TMEM132E: variants seen among roughly 807,000 people sequenced by gnomAD.
TMEM132E encodes transmembrane protein 132E.
Under a neutral mutation model 78.5 loss-of-function variants are expected in TMEM132E, and 49 were observed. The ratio of observed to expected loss-of-function variants is 0.62; its 90% confidence interval spans 0.50 to 0.79. The LOEUF (loss-of-function observed/expected upper bound fraction) is 0.79. TMEM132E is among the 30% of genes least tolerant of loss of function. The probability of loss-of-function intolerance (pLI) is 0.00; values close to 1 mark genes in which losing one functional copy is unlikely to be tolerated. For missense variants in TMEM132E, 1,403 were observed against 1,470.9 expected (o/e 0.95, Z 0.75); for synonymous variants, 715 against 670.6 (o/e 1.07, Z -1.02).
At chr17:34,586,730 G>A (rs1297711960) in intron 1 of TMEM132E, among the ~76,000 whole-genome samples, 1 of 151,942 alleles carries the variant, frequency 6.6e-6, no homozygotes, top group Non-Finnish European at 1.5e-5. Flanking sequence ...AAGATGAAGT[G>A]GAAAATGGAA....
chr17:34,592,432 C>A lies in TMEM132E; in HGVS notation c.67+11289C>A, dbSNP rs572867115. Among the ~76,000 whole-genome samples, 15 of 152,328 alleles carry A rather than the reference C, an allele frequency of 9.8e-5. No individual in the cohort carries two copies. The East Asian group carries it at 2.9e-3, about 29-fold the overall frequency. ...CTACACACTGCCAGGACAGCACTGC[C>A]ATTGCCAGATAGCAGGTCTAGGGTT... is the stretch of plus-strand genomic sequence containing the variant. On this transcript the variant is annotated intron_variant, in intron 1 of 8. Transcript: ENST00000631683.
At chr17:34,635,753 T>A (rs1907497720) in intron 7 of TMEM132E, 1 of 375,628 alleles carries the variant, frequency 2.7e-6, no homozygotes, top group South Asian at 1.4e-4. Flanking sequence ...GGGGTTGTTG[T>A]TTTCCTTAGA....
chr17:34,581,159 CGGACTGGGGGTGA>C lies in TMEM132E; in HGVS notation c.67+20_67+32del, dbSNP rs1905462849. The C allele has an allele frequency of 6.6e-7, 1 of 1,504,718 alleles. No homozygotes were observed. Among genetic ancestry groups the C allele is most frequent in the East Asian group, 2.7e-5 (1 of 36,644 alleles). The allele number at this position is 1,504,718 out of a possible 1,614,324, so 93.2% of individuals were successfully genotyped here. On this transcript the variant is annotated intron_variant, in intron 1 of 8. Coordinates refer to ENST00000631683, the MANE Select transcript of TMEM132E (RefSeq NM_001304438.2). Reference sequence around the variant, plus strand: ...CTCGCCCACGGTAAGTGTCGCGGCGCGGACTGGGGGTGAGGATGCGGCAGGCGCCACTGGAGGG... The same window carrying C: ...CTCGCCCACGGTAAGTGTCGCGGCGCGGATGCGGCAGGCGCCACTGGAGGG...
intron 1 of TMEM132E, among the ~76,000 whole-genome samples, chr17:34,581,909 C>T (rs1354293973): frequency 6.6e-6 from 1 of 151,836 alleles, no homozygotes; most frequent in Non-Finnish European, 1.5e-5. Flanking sequence ...GGTGGGACAG[C>T]GGGCATACGG....
intron 1 of TMEM132E, among the ~76,000 whole-genome samples, chr17:34,582,717 G>C (rs1006702635): frequency 6.6e-6 from 1 of 152,098 alleles, no homozygotes; most frequent in African/African-American, 2.4e-5. Flanking sequence ...GCCTGTCTGC[G>C]CACTGGAGCT....
At chr17:34,619,410 T>C (rs8074684) in intron 1 of TMEM132E, among the ~76,000 whole-genome samples, 150,862 of 151,748 alleles carry the variant, frequency 0.99, 74,993 homozygotes, top group Middle Eastern at 1. Context: ...GCTTCATAAA[T>C]ATACAGATAC....
intron 1 of TMEM132E, among the ~76,000 whole-genome samples, chr17:34,582,355 G>A (rs1021123530): frequency 6.6e-6 from 1 of 152,108 alleles, no homozygotes; most frequent in African/African-American, 2.4e-5. Context: ...TCTCTAACCA[G>A]CGGCCTCTTT....
At chr17:34,631,549 C>T (rs1409431770) in intron 5 of TMEM132E, among the ~76,000 whole-genome samples, 1 of 152,236 alleles carries the variant, frequency 6.6e-6, no homozygotes, top group African/African-American at 2.4e-5. Context: ...TTGCCACATT[C>T]TAAGTGGAAT....
At chr17:34,622,109 A>G (rs1370204172) in intron 1 of TMEM132E, among the ~76,000 whole-genome samples, 1 of 152,166 alleles carries the variant, frequency 6.6e-6, no homozygotes, top group African/African-American at 2.4e-5. Flanking sequence ...GCATGTTAGC[A>G]CACACGCGTG....
intron 1 of TMEM132E, among the ~76,000 whole-genome samples, chr17:34,621,863 A>G (rs73988745): frequency 0.011 from 1,709 of 152,154 alleles, 38 homozygotes; most frequent in African/African-American, 0.039. Context: ...TCTGGAGGGC[A>G]TAGGCACACC....
rs1038822933 is a variant in TMEM132E, at chr17:34,638,373, G to C, written c.*141G>C. On this transcript the variant is annotated 3_prime_UTR_variant, in exon 9 of 9. Coordinates refer to ENST00000631683, the MANE Select transcript of TMEM132E (RefSeq NM_001304438.2). The stretch of plus-strand genomic sequence containing the variant: ...CTGCCCCTGCAGCTTGGCTCCGTGC[G>C]GAGCGGGCCGCCTCAGTGTCTGGGC... The C allele has an allele frequency of 5.3e-6, 5 of 939,628 alleles. No homozygotes were observed. In the East Asian group the frequency reaches 1.1e-4, roughly 21 times the overall value. The allele number at this position is 939,628 out of a possible 1,614,324, so 58.2% of individuals were successfully genotyped here. A position where few individuals can be genotyped will look rare whatever the true frequency, so the allele number is the denominator to read the frequency against.
At chr17:34,627,589 G>A (rs1907203435) in intron 2 of TMEM132E, among the ~76,000 whole-genome samples, 1 of 151,274 alleles carries the variant, frequency 6.6e-6, no homozygotes, top group Non-Finnish European at 1.5e-5. Flanking sequence ...ACCTTGAAAA[G>A]GACACAGTTT....
At chr17:34,612,871 G>A (rs898821686) in intron 1 of TMEM132E, among the ~76,000 whole-genome samples, 2 of 152,060 alleles carry the variant, frequency 1.3e-5, no homozygotes, top group African/African-American at 4.8e-5. Context: ...CACTGGGGGG[G>A]GCAGTGGGGT....
At chr17:34,625,031 C>A (rs768717930) in intron 1 of TMEM132E, among the ~76,000 whole-genome samples, 1 of 152,108 alleles carries the variant, frequency 6.6e-6, no homozygotes, top group Non-Finnish European at 1.5e-5. Flanking sequence ...CAGTGTCCAA[C>A]GAGTTTTGGG....
rs573008311 is a variant in TMEM132E, at chr17:34,589,743, A to T, written c.67+8600A>T. ...CTTAGTTGGTAGTCCCTCCACCCACAACCGGAGCCCTGCCACCGCATGACG... is the reference window on the plus strand; with the variant it reads ...CTTAGTTGGTAGTCCCTCCACCCACTACCGGAGCCCTGCCACCGCATGACG... On this transcript the variant is annotated intron_variant, in intron 1 of 8. Coordinates refer to ENST00000631683, the MANE Select transcript of TMEM132E (RefSeq NM_001304438.2). Among the ~76,000 whole-genome samples the T allele has an allele frequency of 5.4e-4, 82 of 152,270 alleles. 1 individual carries two copies. The highest frequency in any genetic ancestry group is 1.9e-3 in the African/African-American group (77 of 41,558).
At chr17:34,604,783 A>G (rs569650703) in intron 1 of TMEM132E, among the ~76,000 whole-genome samples, 1 of 152,362 alleles carries the variant, frequency 6.6e-6, no homozygotes, top group Non-Finnish European at 1.5e-5. Context: ...AGAATGATTT[A>G]TTATTAATAG....
At position 34,637,581 on chromosome 17, in the gene TMEM132E, C is replaced by A; in HGVS notation, c.2574C>A (p.Gly858=). Residue 858 remains glycine (G), a synonymous_variant, in exon 9 of 9, where the codon GGC becomes GGA. Coordinates refer to ENST00000631683, the MANE Select transcript of TMEM132E (RefSeq NM_001304438.2). The part of the protein sequence containing the change: ...ALPAPEAPGP[G]TASPVVPPTE... ...CCGCACCGGAGGCTCCAGGCCCGGG[C>A]ACCGCCAGCCCCGTCGTGCCACCCA... 1.2e-6 allele frequency: 2 copies of A among 1,600,292 alleles called. No homozygotes were observed. The highest frequency in any genetic ancestry group is 1.7e-6 in the Non-Finnish European group (2 of 1,176,518).
chr17:34,629,551 A>C (rs1907277486), intron 4 of TMEM132E, among the ~76,000 whole-genome samples: 1 of 152,070 alleles, frequency 6.6e-6, no homozygotes, highest in Non-Finnish European at 1.5e-5. Flanking sequence ...GCAGGGCATT[A>C]CTTGGGCAAA....
At chr17:34,628,902 C>T in intron 3 of TMEM132E, 110 bp from the exon 4 acceptor site, 3 of 1,417,016 alleles carry the variant, frequency 2.1e-6, no homozygotes, top group Non-Finnish European at 2.9e-6. Flanking sequence ...CCAGAGGGCC[C>T]CATCAGGCAG....
Sources: gnomAD v4.1 joint callset for allele counts (sites outside exome capture counted in the v4.1 genomes callset) on GRCh38, gnomAD v4.1.1 for gene constraint, MANE v1.5 for transcripts, NCBI Gene and HGNC (gene_info 2026-07-23, HGNC 2026-07-21) for gene names.